Variants in WWP2 observed in about 807,000 individuals in gnomAD.
The protein encoded by WWP2 is NEDD4-like E3 ubiquitin-protein ligase WWP2.
Under a neutral mutation model 121.0 loss-of-function variants are expected in WWP2, and 57 were observed. The observed-to-expected ratio is 0.47, with a 90% CI of 0.38 to 0.59. The LOEUF (loss-of-function observed/expected upper bound fraction) is 0.59. Among genes scored for constraint, WWP2 ranks in the 20% least tolerant of loss-of-function variants. The pLI is 0.00. For synonymous variants in WWP2, 449 were observed against 441.3 expected (o/e 1.02, Z -0.22); for missense variants, 962 against 1,158.9 (o/e 0.83, Z 2.47).
chr16:69,931,948 C>T, intron 16 of WWP2, 58 bp downstream of exon 16: 1 of 1,508,620 alleles, frequency 6.6e-7, no homozygotes, highest in African/African-American at 1.4e-5. Flanking sequence ...GCTACAGCAT[C>T]AATGGCCAGA....
chr16:69,831,150 C>T (rs745337347), intron 4 of WWP2, among the ~76,000 whole-genome samples: 8 of 152,220 alleles, frequency 5.3e-5, no homozygotes, highest in Non-Finnish European at 1.2e-4. Flanking sequence ...ACTCTTAATC[C>T]TGGCGTCCTT....
In WWP2 at chr16:69,792,748, G is replaced by C. The variant is rs184252147; in HGVS notation, c.70+5668G>C. Among the ~76,000 whole-genome samples the C allele has an allele frequency of 2.0e-5, 3 of 152,288 alleles. No homozygotes were observed. In the East Asian group the frequency reaches 5.8e-4, roughly 29 times the overall value. ...ACTCTGTCACCTAGGCTAGAGTGCAGTGGCACAATTACAGCTCACTACAGC... is the reference window on the plus strand; with the variant it reads ...ACTCTGTCACCTAGGCTAGAGTGCACTGGCACAATTACAGCTCACTACAGC... On this transcript the variant is annotated intron_variant, in intron 2 of 23. Coordinates refer to ENST00000359154, the MANE Select transcript of WWP2 (RefSeq NM_001270454.2).
chr16:69,903,941 T>C (rs1449851610), intron 8 of WWP2, among the ~76,000 whole-genome samples: 2 of 152,178 alleles, frequency 1.3e-5, no homozygotes, highest in Non-Finnish European at 2.9e-5. Flanking sequence ...GCCACAAAAC[T>C]ACCCAAAGAA....
chr16:69,894,224 T>C (rs2058073274), intron 8 of WWP2, among the ~76,000 whole-genome samples: 1 of 151,086 alleles, frequency 6.6e-6, no homozygotes, highest in African/African-American at 2.4e-5. Flanking sequence ...TACAGGCGCA[T>C]GCCACTATAC....
rs60340110 is a variant in WWP2, at chr16:69,880,272, A to AT, written c.704-7757dup. Among the ~76,000 whole-genome samples the AT allele has an allele frequency of 4.7e-3, 695 of 149,336 alleles. 1 individual carries two copies. The highest frequency in any genetic ancestry group is 0.012 in the African/African-American group (507 of 40,944). ...GTAAACAGTGTCATTTTTTACTGTG[A>AT]TTTTTTTTTTAGTGTTGATCACTTT... On this transcript the variant is annotated intron_variant, in intron 7 of 23. Transcript: ENST00000359154.
At position 69,917,874 on chromosome 16, in the gene WWP2, C is replaced by T. The variant is rs1333333986; in HGVS notation, c.1170C>T (p.Phe390=). 1.9e-6 allele frequency: 3 copies of T among 1,611,712 alleles called. No homozygotes were observed. Among genetic ancestry groups the T allele is most frequent in the Non-Finnish European group, 2.5e-6 (3 of 1,177,934 alleles). Residue 390 remains phenylalanine, a synonymous_variant, in exon 10 of 24, where the codon TTC becomes TTT. Coordinates refer to ENST00000359154, the MANE Select transcript of WWP2 (RefSeq NM_001270454.2). ...QGAMQHFSQR[F]LYQSSSASTD... is the part of the protein sequence containing the mutation. ...CCATGCAGCACTTCAGCCAAAGATT[C>T]CTCTACCAGGTGAGAGGGCAGGCGC...
At position 69,787,051 on chromosome 16, in the gene WWP2, C is replaced by G; in HGVS notation, c.41C>G (p.Pro14Arg). The change falls in exon 2 of 24, where the codon CCT (proline) becomes CGT (arginine). Residue 14 changes from proline to arginine, a missense_variant. Physicochemically the swap from Pro to Arg is moderately radical, Grantham distance 103. This residue lies in a region of WWP2 where 145 missense variants were observed against 189.8 expected (regional missense o/e 0.76). Transcript: ENST00000359154. ...ASSSRAGVAL[P>R]FEKSQLTLKV... ...TCTAGCCGGGCAGGAGTGGCCCTGC[C>G]TTTTGAGAAGTCTCAGCTCACTTTG... is the stretch of plus-strand genomic sequence containing the variant. 6.2e-7 allele frequency: 1 copy of G among 1,613,440 alleles called. No individual in the cohort carries two copies. Among genetic ancestry groups the G allele is most frequent in the East Asian group, 2.2e-5 (1 of 44,862 alleles).
In WWP2 at chr16:69,935,702, C is replaced by T; in HGVS notation, c.1843-151C>T. On this transcript the variant is annotated intron_variant, in intron 17 of 23. Coordinates refer to ENST00000359154, the MANE Select transcript of WWP2 (RefSeq NM_001270454.2). The surrounding 1 kb of genome is among the most constrained non-coding windows in gnomAD (Gnocchi z 5.2). ...AAAGGCGTTGTTTACTCCTGAGGCC[C>T]TCCCGCTGCGTCCGAGGCAGCTGCT... 8.6e-7 allele frequency: 1 copy of T among 1,162,552 alleles called. No homozygotes were observed. Among genetic ancestry groups the T allele is most frequent in the Non-Finnish European group, 1.2e-6 (1 of 825,266 alleles). The allele number at this position is 1,162,552 out of a possible 1,614,324, so 72.0% of individuals were successfully genotyped here.
intron 2 of WWP2, among the ~76,000 whole-genome samples, chr16:69,798,153 A>G (rs901027374): frequency 6.6e-6 from 1 of 152,190 alleles, no homozygotes; most frequent in African/African-American, 2.4e-5. Context: ...ACATGGGTTT[A>G]CCTTTCTTGG....
chr16:69,804,799 TC>T (rs1194707952), intron 4 of WWP2, among the ~76,000 whole-genome samples: 1 of 152,148 alleles, frequency 6.6e-6, no homozygotes, highest in Non-Finnish European at 1.5e-5. Flanking sequence ...CATACTGAAC[TC>T]CCCACATAGG....
chr16:69,891,030 G>C (rs563766871), intron 8 of WWP2, among the ~76,000 whole-genome samples: 1 of 152,098 alleles, frequency 6.6e-6, no homozygotes, highest in Non-Finnish European at 1.5e-5. Context: ...TGGCTTCCAC[G>C]TGCTCTTCTC....
chr16:69,779,064 C>T (rs999143209), intron 1 of WWP2, among the ~76,000 whole-genome samples: 3 of 152,048 alleles, frequency 2.0e-5, no homozygotes, highest in African/African-American at 7.3e-5. Flanking sequence ...ATTCTCCTGC[C>T]TCAGCCTCCC....
intron 6 of WWP2, among the ~76,000 whole-genome samples, chr16:69,863,224 A>G (rs2057457160): frequency 6.6e-6 from 1 of 152,146 alleles, no homozygotes; most frequent in Non-Finnish European, 1.5e-5. Context: ...CATTTTCTCC[A>G]CAAATGGCTT....
intron 2 of WWP2, among the ~76,000 whole-genome samples, chr16:69,797,081 G>T (rs2056062803): frequency 6.6e-6 from 1 of 152,164 alleles, no homozygotes. Flanking sequence ...GAGACGTCTA[G>T]ATGTGTTTTA....
chr16:69,902,751 T>TG (rs962059394), intron 8 of WWP2, among the ~76,000 whole-genome samples: 7 of 152,040 alleles, frequency 4.6e-5, no homozygotes, highest in East Asian at 1.9e-4. Context: ...TTTCTTGGCA[T>TG]GGGGGGGACC....
At chr16:69,817,252 GTT>G (rs2056511374) in intron 4 of WWP2, among the ~76,000 whole-genome samples, 1 of 152,050 alleles carries the variant, frequency 6.6e-6, no homozygotes, top group Admixed American at 6.6e-5. Context: ...GGTGTGCTTT[GTT>G]TTGTTTTGTT....
At chr16:69,844,026 T>C (rs1236115541) in intron 6 of WWP2, among the ~76,000 whole-genome samples, 1 of 152,190 alleles carries the variant, frequency 6.6e-6, no homozygotes, top group African/African-American at 2.4e-5. Context: ...CTTATGAGGT[T>C]GTGGTGACTG....
intron 6 of WWP2, among the ~76,000 whole-genome samples, chr16:69,865,106 G>A (rs2057496976): frequency 6.6e-6 from 1 of 151,608 alleles, no homozygotes; most frequent in African/African-American, 2.4e-5. Context: ...CTGGAGTGCA[G>A]TGGCGTGATC....
In WWP2 at chr16:69,900,394, C is replaced by T. The variant is rs185008661; in HGVS notation, c.915-8367C>T. The stretch of plus-strand genomic sequence containing the variant: ...TGTAATCCCAGCACTTTTGGGAGGC[C>T]GAAGCAGGAAGATTGCTTGAGCCCA... On this transcript the variant is annotated intron_variant, in intron 8 of 23. Coordinates refer to ENST00000359154, the MANE Select transcript of WWP2 (RefSeq NM_001270454.2). 5.9e-5 allele frequency among the ~76,000 whole-genome samples: 9 copies of T among 151,814 alleles called. No homozygotes were observed. The East Asian group carries it at 7.7e-4, about 13-fold the overall frequency.
Sources: gnomAD v4.1 joint callset for allele counts (sites outside exome capture counted in the v4.1 genomes callset) on GRCh38, gnomAD v4.1.1 for gene constraint, gnomAD v4.1.1 regional missense constraint, Gnocchi (gnomAD v3.1) non-coding constraint, MANE v1.5 for transcripts, NCBI Gene and HGNC (gene_info 2026-07-23, HGNC 2026-07-21) for gene names.